The following XKR6 variants were observed in gnomAD, a reference collection of about 807,000 sequenced individuals.
XKR6 encodes the protein XK-related protein 6.
Under a neutral mutation model 56.7 loss-of-function variants are expected in XKR6, and 22 were observed. That is an observed-to-expected ratio of 0.39 (90% CI 0.28 to 0.55). The LOEUF (loss-of-function observed/expected upper bound fraction) is 0.55. XKR6 is among the 20% of genes least tolerant of loss of function. The pLI is 0.66. For synonymous variants in XKR6, 524 were observed against 387.8 expected (o/e 1.35, Z -4.13); for missense variants, 852 against 889.0 (o/e 0.96, Z 0.53).
At chr8:11,167,710 T>A (rs2117034519) in intron 1 of XKR6, among the ~76,000 whole-genome samples, 1 of 152,082 alleles carries the variant, frequency 6.6e-6, no homozygotes, top group South Asian at 2.1e-4. Flanking sequence ...TAGACACAAG[T>A]CTGGCTCACT....
chr8:10,907,573 T>C (rs956100698), intron 2 of XKR6, among the ~76,000 whole-genome samples: 3 of 152,222 alleles, frequency 2.0e-5, no homozygotes, highest in African/African-American at 7.2e-5. Context: ...ATTAAGTAAC[T>C]TTTCCACATG....
chr8:11,037,826 C>G (rs989184561), intron 1 of XKR6, among the ~76,000 whole-genome samples: 2 of 150,322 alleles, frequency 1.3e-5, no homozygotes, highest in African/African-American at 2.5e-5. Context: ...CCACTGCACT[C>G]CAGCCTGGAT....
chr8:11,096,817 T>C (rs531246306), intron 1 of XKR6, among the ~76,000 whole-genome samples: 1 of 152,364 alleles, frequency 6.6e-6, no homozygotes, highest in South Asian at 2.1e-4. Flanking sequence ...TTTAGCTGTT[T>C]TTCAACAAAT....
chr8:10,912,327 T>TATATATAC, intron 2 of XKR6, among the ~76,000 whole-genome samples: 1 of 122,014 alleles, frequency 8.2e-6, no homozygotes, highest in South Asian at 2.8e-4. Context: ...TATATATATA[T>TATATATAC]ATATATATAT....
chr8:10,924,459 CTT>C (rs2129117079), intron 2 of XKR6, among the ~76,000 whole-genome samples, 173 bp downstream of exon 2: 1 of 152,380 alleles, frequency 6.6e-6, no homozygotes, highest in South Asian at 2.1e-4. Context: ...CTGTGCAGCT[CTT>C]GAGTGTGGTG....
At chr8:11,051,692 G>A (rs4841484) in intron 1 of XKR6, among the ~76,000 whole-genome samples, 34,713 of 151,910 alleles carry the variant, frequency 0.23, 4,620 homozygotes, top group Non-Finnish European at 0.31. Context: ...CCATTCACGA[G>A]CAGCTTTTCC....
chr8:11,129,174 C>A, intron 1 of XKR6: 1 of 356,652 alleles, frequency 2.8e-6, no homozygotes, highest in Non-Finnish European at 5.5e-6. Context: ...TGCAACTAGA[C>A]AGAGGTGATG....
At chr8:11,146,084 G>C (rs191244634) in intron 1 of XKR6, among the ~76,000 whole-genome samples, 135 of 152,212 alleles carry the variant, frequency 8.9e-4, no homozygotes, top group Non-Finnish European at 1.6e-3. Flanking sequence ...ATTCAGTAAA[G>C]AAAGAATAGC....
At chr8:10,996,059 T>A (rs1798106647) in intron 1 of XKR6, among the ~76,000 whole-genome samples, 2 of 152,038 alleles carry the variant, frequency 1.3e-5, no homozygotes, top group African/African-American at 4.8e-5. Context: ...AATTCTACAC[T>A]ACAGATTCAT....
intron 2 of XKR6, among the ~76,000 whole-genome samples, chr8:10,920,046 G>A (rs1800666738): frequency 6.6e-6 from 1 of 152,170 alleles, no homozygotes; most frequent in Non-Finnish European, 1.5e-5. Flanking sequence ...GAGAAACAGA[G>A]GGTGGAGAGA....
chr8:11,179,367 AC>A (rs1291350114), intron 1 of XKR6, among the ~76,000 whole-genome samples: 1 of 152,194 alleles, frequency 6.6e-6, no homozygotes, highest in East Asian at 1.9e-4. Context: ...ATTAAAATAA[AC>A]CTCTACATAC....
intron 2 of XKR6, among the ~76,000 whole-genome samples, chr8:10,910,312 T>A (rs1800314909): frequency 6.6e-6 from 1 of 152,092 alleles, no homozygotes; most frequent in Non-Finnish European, 1.5e-5. Flanking sequence ...AACTTGGCTG[T>A]GCCTAATAAC....
At chr8:11,004,146 G>A (rs1017046665) in intron 1 of XKR6, among the ~76,000 whole-genome samples, 5 of 152,158 alleles carry the variant, frequency 3.3e-5, no homozygotes, top group African/African-American at 1.2e-4. Flanking sequence ...GGAGTCTTGG[G>A]CTGGGGCAGT....
intron 1 of XKR6, among the ~76,000 whole-genome samples, chr8:10,989,738 T>C (rs1477513512): frequency 6.6e-6 from 1 of 152,240 alleles, no homozygotes; most frequent in African/African-American, 2.4e-5. Context: ...ATAGCACTGT[T>C]CAGAAGTATT....
intron 1 of XKR6, among the ~76,000 whole-genome samples, chr8:11,096,640 A>G (rs1344925015): frequency 6.6e-6 from 1 of 152,236 alleles, no homozygotes; most frequent in African/African-American, 2.4e-5. Flanking sequence ...CTTTTCCTGG[A>G]AAAAGTAACC....
intron 1 of XKR6, among the ~76,000 whole-genome samples, chr8:11,074,376 G>A (rs542991837): frequency 1.6e-4 from 25 of 152,296 alleles, no homozygotes; most frequent in Non-Finnish European, 2.8e-4. Context: ...TGACACTGAC[G>A]ATGCACCAGC....
At chr8:11,178,823 T>G (rs963758261) in intron 1 of XKR6, among the ~76,000 whole-genome samples, 3 of 150,848 alleles carry the variant, frequency 2.0e-5, no homozygotes, top group South Asian at 2.1e-4. Context: ...AAATATCAAG[T>G]GAACTCTTCT....
intron 1 of XKR6, among the ~76,000 whole-genome samples, chr8:11,141,085 G>C (rs1376660854): frequency 1.3e-5 from 2 of 152,128 alleles, no homozygotes; most frequent in African/African-American, 2.4e-5. Flanking sequence ...TACACGCTAA[G>C]TCGACATGGT....
chr8:10,898,194 C>G lies in XKR6; in HGVS notation c.1684G>C (p.Val562Leu), dbSNP rs762338790. 6.2e-7 allele frequency: 1 copy of G among 1,614,134 alleles called. No homozygotes were observed. Among genetic ancestry groups the G allele is most frequent in the Non-Finnish European group, 8.5e-7 (1 of 1,180,016 alleles). Residue 562 changes from valine (V) to leucine (L), a missense_variant, in exon 3 of 3, where the codon GTT becomes CTT. Val to Leu is a conservative substitution (Grantham distance 32, BLOSUM62 1). This residue lies in a region of XKR6 where 197 missense variants were observed against 190.9 expected (regional missense o/e 1.03). Coordinates refer to ENST00000416569, the MANE Select transcript of XKR6 (RefSeq NM_173683.4). The surrounding 1 kb of genome is among the most constrained non-coding windows in gnomAD (Gnocchi z 6.6). ...EDLTADTCLP[V>L]FQVRPMGPPT... is the part of the protein sequence containing the mutation. ...GGCCCCATGGGTCTCACTTGGAAAA[C>G]AGGCAAGCAAGTGTCAGCCGTGAGA...
Sources: gnomAD v4.1 joint callset for allele counts (sites outside exome capture counted in the v4.1 genomes callset) on GRCh38, gnomAD v4.1.1 for gene constraint, gnomAD v4.1.1 regional missense constraint, Gnocchi (gnomAD v3.1) non-coding constraint, MANE v1.5 for transcripts, NCBI Gene and HGNC (gene_info 2026-07-23, HGNC 2026-07-21) for gene names.